The following PAM variants were observed in gnomAD, a reference collection of about 807,000 sequenced individuals.
PAM encodes the protein peptidyl-glycine alpha-amidating monooxygenase.
Under a neutral mutation model 122.1 loss-of-function variants are expected in PAM, and 72 were observed. The observed-to-expected ratio is 0.59, with a 90% CI of 0.49 to 0.72. The LOEUF (loss-of-function observed/expected upper bound fraction) is 0.72. PAM is among the 30% of genes least tolerant of loss of function. PAM has a pLI of 0.00. For missense variants in PAM, 1,106 were observed against 1,183.7 expected (o/e 0.93, Z 0.96); for synonymous variants, 389 against 404.4 (o/e 0.96, Z 0.46).
Position 102,974,440 on chromosome 5 carries a change from CGTG to C in PAM, c.1483+5_1483+7del, listed in dbSNP as rs1562097832. 1.3e-6 allele frequency: 2 copies of C among 1,591,666 alleles called. No homozygotes were observed. The highest frequency in any genetic ancestry group is 3.5e-5 in the Admixed American group (2 of 57,734). On this transcript the variant is annotated splice_donor_5th_base_variant and intron_variant, in intron 15 of 25. Transcript: ENST00000438793. Reference sequence around the variant, plus strand: ...TGGGAACCAGAACACACAGGAGGTGCGTGTAGGGTTTCTTTTAAGCAGTAAAGT... The same window carrying C: ...TGGGAACCAGAACACACAGGAGGTGCTAGGGTTTCTTTTAAGCAGTAAAGT...
In PAM at chr5:102,940,151, T is replaced by C. The variant is rs62362515; in HGVS notation, c.527-6686T>C. On this transcript the variant is annotated intron_variant, in intron 7 of 25. Coordinates refer to ENST00000438793, the MANE Select transcript of PAM (RefSeq NM_001177306.2). ...ACACACACACACACACACACACACA[T>C]ACACACACACACATATATATGAAAA... Among the ~76,000 whole-genome samples the C allele has an allele frequency of 3.1e-4, 42 of 134,798 alleles. 1 individual carries two copies. Among genetic ancestry groups the C allele is most frequent in the East Asian group, 8.4e-4 (4 of 4,774 alleles). 88.4% of individuals were successfully genotyped at this position (134,798 alleles called of 152,430 possible). A position where few individuals can be genotyped will look rare whatever the true frequency, so the allele number is the denominator to read the frequency against.
At chr5:102,851,086 A>G (rs1399611481) in intron 1 of PAM, among the ~76,000 whole-genome samples, 2 of 152,210 alleles carry the variant, frequency 1.3e-5, no homozygotes, top group Admixed American at 6.5e-5. Flanking sequence ...AACTCTGCTC[A>G]GTAATCGGAT....
At chr5:102,821,193 G>A (rs1370521461) in intron 1 of PAM, among the ~76,000 whole-genome samples, 1 of 152,170 alleles carries the variant, frequency 6.6e-6, no homozygotes, top group African/African-American at 2.4e-5. Context: ...AGAAAGAAGA[G>A]TTTTAACCTT....
intron 1 of PAM, chr5:102,865,169 T>C (rs1785190223): frequency 6.6e-6 from 1 of 152,226 alleles, no homozygotes; most frequent in African/African-American, 2.4e-5. Flanking sequence ...GATTTTTAAA[T>C]GGGCATTTAC....
intron 24 of PAM, 64 bp downstream of exon 24, chr5:103,025,398 C>G: frequency 7.6e-7 from 1 of 1,315,516 alleles, no homozygotes; most frequent in African/African-American, 1.4e-5. Context: ...CCTAATTATC[C>G]TCAGGAGTTT....
chr5:102,896,738 A>G (rs1796319456), intron 3 of PAM, among the ~76,000 whole-genome samples: 1 of 151,746 alleles, frequency 6.6e-6, no homozygotes, highest in African/African-American at 2.4e-5. Context: ...AAGAAAAAGA[A>G]AACTGGGAAA....
intron 7 of PAM, among the ~76,000 whole-genome samples, chr5:102,928,360 A>G (rs1750316731): frequency 6.6e-6 from 1 of 152,204 alleles, no homozygotes; most frequent in African/African-American, 2.4e-5. Context: ...TAATCTAGGG[A>G]TAGTAAAAGT....
At chr5:102,890,377 G>T (rs906536227) in intron 3 of PAM, among the ~76,000 whole-genome samples, 1 of 151,820 alleles carries the variant, frequency 6.6e-6, no homozygotes, top group African/African-American at 2.4e-5. Context: ...TGCCATAAAT[G>T]ATCATCATTG....
At chr5:103,022,053 A>G (rs1237987496) in intron 23 of PAM, among the ~76,000 whole-genome samples, 1 of 152,106 alleles carries the variant, frequency 6.6e-6, no homozygotes, top group Non-Finnish European at 1.5e-5. Context: ...GTTACTAGAG[A>G]TAAAACAGGT....
chr5:103,028,129 T>C (rs377704031), intron 24 of PAM, 56 bp from the exon 25 acceptor site: 42 of 1,345,080 alleles, frequency 3.1e-5, no homozygotes, highest in Non-Finnish European at 4.5e-5. Flanking sequence ...GTTGAGTGCA[T>C]GGGTTGAGAA....
Position 103,009,776 on chromosome 5 carries a change from G to A in PAM, c.2241G>A (p.Lys747=), listed in dbSNP as rs943483607. ...IPGLLFAVNG[K]PHFGDQEPVQ... ...GCTTGCTCTTTGCAGTGAATGGGAA[G>A]CCTCATTTTGGGGACCAAGAACCTG... The change falls in exon 21 of 26, where the codon AAG becomes AAA. Residue 747 remains lysine (K), a synonymous_variant. Transcript: ENST00000438793. 1.9e-6 allele frequency: 3 copies of A among 1,610,648 alleles called. No homozygotes were observed. The highest frequency in any genetic ancestry group is 2.5e-6 in the Non-Finnish European group (3 of 1,177,036).
chr5:103,017,943 T>C (rs1013253211), intron 22 of PAM, among the ~76,000 whole-genome samples: 1 of 152,200 alleles, frequency 6.6e-6, no homozygotes, highest in African/African-American at 2.4e-5. Context: ...TTCATGTAAC[T>C]CAAAATGTTG....
chr5:102,842,205 A>AATATATATATATATATATATAT (rs71226933), intron 1 of PAM, among the ~76,000 whole-genome samples: 195 of 142,966 alleles, frequency 1.4e-3, no homozygotes, highest in African/African-American at 4.1e-3. Flanking sequence ...ATACAACCTA[A>AATATATATATATATATATATAT]ATATATATAT....
chr5:103,025,113 A>T lies in PAM; in HGVS notation c.2486-18A>T, dbSNP rs1784585905. The T allele has an allele frequency of 6.3e-7, 1 of 1,582,680 alleles. No individual in the cohort carries two copies. Among genetic ancestry groups the T allele is most frequent in the African/African-American group, 1.3e-5 (1 of 74,140 alleles). On this transcript the variant is annotated intron_variant, in intron 23 of 25. Coordinates refer to ENST00000438793, the MANE Select transcript of PAM (RefSeq NM_001177306.2). ...TCTTTGAGTCAGTTGAATATTGTGAACTCTTCTTTCCCTGAAGAAGCCGAG... is the reference window on the plus strand; with the variant it reads ...TCTTTGAGTCAGTTGAATATTGTGATCTCTTCTTTCCCTGAAGAAGCCGAG...
chr5:102,811,368 C>T (rs1767855351), intron 1 of PAM, among the ~76,000 whole-genome samples: 2 of 152,222 alleles, frequency 1.3e-5, no homozygotes, highest in Admixed American at 1.3e-4. Context: ...CATCTGCATT[C>T]CGTGGCTCCT....
At chr5:102,926,034 C>T (rs1749351265) in intron 6 of PAM, among the ~76,000 whole-genome samples, 2 of 151,288 alleles carry the variant, frequency 1.3e-5, no homozygotes, top group Non-Finnish European at 2.9e-5. Flanking sequence ...TATTCAATCA[C>T]AAAATAAAAT....
intron 7 of PAM, among the ~76,000 whole-genome samples, chr5:102,927,044 G>A (rs1205364966): frequency 3.3e-5 from 5 of 151,922 alleles, no homozygotes; most frequent in South Asian, 2.1e-4. Context: ...GCAAGCCACC[G>A]AGAGTCTATA....
At position 102,836,886 on chromosome 5, in the gene PAM, G is replaced by GAGAGAGAGAGAGAGAGAC. The variant is rs1157043587; in HGVS notation, c.-373-28925_-373-28924insAGAGACAGAGAGAGAGAG. 2.0e-5 allele frequency among the ~76,000 whole-genome samples: 3 copies of GAGAGAGAGAGAGAGAGAC among 151,854 alleles called. No homozygotes were observed. In the East Asian group the frequency reaches 5.8e-4, roughly 29 times the overall value. ...AGAGAGAGAGAGAGAGAGAGAGAGA[G>GAGAGAGAGAGAGAGAGAC]AGAGAGAGAGAGGTGCAAAATTGTG... On this transcript the variant is annotated intron_variant, in intron 1 of 25. Coordinates refer to ENST00000438793, the MANE Select transcript of PAM (RefSeq NM_001177306.2).
chr5:102,880,587 G>A (rs1561739769), intron 3 of PAM, among the ~76,000 whole-genome samples: 1 of 152,056 alleles, frequency 6.6e-6, no homozygotes, highest in East Asian at 1.9e-4. Flanking sequence ...CTGGAACAAG[G>A]AGAAGATCAA....
Sources: allele counts gnomAD v4.1 joint callset (sites outside exome capture counted in the v4.1 genomes callset), GRCh38; gene constraint gnomAD v4.1.1; transcripts MANE v1.5; gene names NCBI Gene and HGNC (gene_info 2026-07-23, HGNC 2026-07-21).